NEDD9: variants seen among roughly 807,000 people sequenced by gnomAD.
NEDD9 encodes neural precursor cell expressed, developmentally down-regulated 9.
A neutral mutation model predicts 76.6 loss-of-function variants in NEDD9; 26 were observed. The ratio of observed to expected loss-of-function variants is 0.34; its 90% CI spans 0.25 to 0.47. The LOEUF (loss-of-function observed/expected upper bound fraction) is 0.47. Among genes scored for constraint, NEDD9 ranks in the 20% least tolerant of loss-of-function variants. The pLI is 1.00. For missense variants in NEDD9, 937 were observed against 1,058.5 expected (o/e 0.89, Z 1.59); for synonymous variants, 392 against 414.2 (o/e 0.95, Z 0.65).
At chr6:11,288,188 C>T (rs1238724300) in intron 3 of NEDD9, among the ~76,000 whole-genome samples, 2 of 152,206 alleles carry the variant, frequency 1.3e-5, no homozygotes, top group Non-Finnish European at 1.5e-5. Flanking sequence ...GTTCAAGTGG[C>T]GTATGGCGTG....
intron 3 of NEDD9, among the ~76,000 whole-genome samples, chr6:11,275,565 C>CACACACACACACATATATATATATAT (rs551632582): frequency 1.1e-3 from 158 of 150,252 alleles, no homozygotes; most frequent in African/African-American, 3.7e-3. Flanking sequence ...CACACACACA[C>CACACACACACACATATATATATATAT]ATATATATAT....
upstream of NEDD9, among the ~76,000 whole-genome samples, chr6:11,234,041 G>A (rs1044789128): frequency 1.3e-5 from 2 of 152,194 alleles, no homozygotes; most frequent in Non-Finnish European, 2.9e-5. Context: ...GGGTTGGCAG[G>A]TTAGTTTGCA....
At chr6:11,264,028 A>C (rs1337052437) in intron 3 of NEDD9, among the ~76,000 whole-genome samples, 1 of 152,240 alleles carries the variant, frequency 6.6e-6, no homozygotes, top group Non-Finnish European at 1.5e-5. Context: ...TCTTTAAAAT[A>C]GGGACAGTGG....
chr6:11,218,669 C>G lies in NEDD9; in HGVS notation c.13-4942G>C, dbSNP rs1759048404. Among the ~76,000 whole-genome samples, 4 of 152,172 alleles carry G rather than the reference C, an allele frequency of 2.6e-5. No homozygotes were observed. The South Asian group carries it at 8.3e-4, about 31-fold the overall frequency. On this transcript the variant is annotated intron_variant, in intron 1 of 6. Coordinates refer to ENST00000379446, the MANE Select transcript of NEDD9 (RefSeq NM_006403.4). ...TTCTGGACTCTGATTTCCTCATTGT[C>G]TGCAGGGAGGGTGAAATTGTTGTAC... is the stretch of plus-strand genomic sequence containing the variant.
At chr6:11,192,085 C>A (rs959280023) in intron 4 of NEDD9, among the ~76,000 whole-genome samples, 7 of 152,164 alleles carry the variant, frequency 4.6e-5, no homozygotes, top group Non-Finnish European at 1.0e-4. Context: ...ATCTTCCCTG[C>A]CAAAGGGTTA....
At chr6:11,277,418 G>A (rs1760440679) in intron 3 of NEDD9, among the ~76,000 whole-genome samples, 1 of 152,178 alleles carries the variant, frequency 6.6e-6, no homozygotes, top group Admixed American at 6.5e-5. Context: ...GTGGGGAAGT[G>A]GTGGAGGAAG....
chr6:11,377,155 A>G (rs534146071), intron 1 of NEDD9, among the ~76,000 whole-genome samples: 12 of 152,232 alleles, frequency 7.9e-5, no homozygotes, highest in Non-Finnish European at 1.3e-4. Context: ...GCCCCACAGA[A>G]AAACTCTACT....
chr6:11,253,133 G>C (rs33959179), intron 3 of NEDD9, among the ~76,000 whole-genome samples: 48,505 of 152,082 alleles, frequency 0.32, 8,136 homozygotes, highest in East Asian at 0.56. Flanking sequence ...TCAGGGTACG[G>C]TCAAAAGAAA....
At chr6:11,345,043 A>C (rs371227822) in intron 1 of NEDD9, among the ~76,000 whole-genome samples, 3 of 152,158 alleles carry the variant, frequency 2.0e-5, no homozygotes, top group South Asian at 2.1e-4. Flanking sequence ...TTATGGAAGA[A>C]AGGTATTTTT....
chr6:11,282,190 A>C (rs561266079), intron 3 of NEDD9, among the ~76,000 whole-genome samples: 1 of 152,336 alleles, frequency 6.6e-6, no homozygotes, highest in South Asian at 2.1e-4. Flanking sequence ...TTAATTCAGT[A>C]ATAAATAGTA....
chr6:11,245,630 C>G (rs73721509), intron 3 of NEDD9, among the ~76,000 whole-genome samples: 1 of 112,708 alleles, frequency 8.9e-6, no homozygotes, highest in African/African-American at 4.4e-5. Flanking sequence ...GATAAACTTG[C>G]GTTGGGGGAA....
At chr6:11,263,805 G>A (rs996281638) in intron 3 of NEDD9, among the ~76,000 whole-genome samples, 11 of 152,176 alleles carry the variant, frequency 7.2e-5, no homozygotes, top group Admixed American at 3.9e-4. Context: ...AAGAAAGGAA[G>A]TTTGTTCTTA....
chr6:11,373,545 GCTT>G (rs1762917945), intron 1 of NEDD9, among the ~76,000 whole-genome samples: 1 of 152,208 alleles, frequency 6.6e-6, no homozygotes, highest in African/African-American at 2.4e-5. Context: ...CCATATGTAA[GCTT>G]CTTGAAAATA....
At chr6:11,296,106 C>T (rs1042480817) in intron 3 of NEDD9, among the ~76,000 whole-genome samples, 1 of 152,020 alleles carries the variant, frequency 6.6e-6, no homozygotes, top group Non-Finnish European at 1.5e-5. Context: ...GAGGGAAGAC[C>T]ACACAGGGAG....
intron 3 of NEDD9, among the ~76,000 whole-genome samples, chr6:11,297,962 C>T (rs1005611179): frequency 1.4e-5 from 2 of 145,964 alleles, no homozygotes; most frequent in East Asian, 2.0e-4. Context: ...GGTTGGAGTG[C>T]AGTGGTGCAA....
At chr6:11,349,078 G>GA (rs1372282673) in intron 1 of NEDD9, among the ~76,000 whole-genome samples, 1 of 151,848 alleles carries the variant, frequency 6.6e-6, no homozygotes, top group Non-Finnish European at 1.5e-5. Flanking sequence ...AAATTTACAA[G>GA]AAAAAACAAC....
chr6:11,324,790 G>A (rs1727547685), intron 2 of NEDD9, among the ~76,000 whole-genome samples: 1 of 152,184 alleles, frequency 6.6e-6, no homozygotes, highest in South Asian at 2.1e-4. Context: ...TGGGGAGGGG[G>A]AGGGACACTG....
chr6:11,237,303 A>G (rs1759624462), upstream of NEDD9, among the ~76,000 whole-genome samples: 1 of 152,208 alleles, frequency 6.6e-6, no homozygotes, highest in African/African-American at 2.4e-5. The surrounding 1 kb of genome is among the most constrained non-coding windows in gnomAD (Gnocchi z 4.9). Context: ...GTCCTGTTGT[A>G]TACCTTAGAG....
chr6:11,356,176 T>C (rs1162568182), intron 1 of NEDD9, among the ~76,000 whole-genome samples: 1 of 152,224 alleles, frequency 6.6e-6, no homozygotes, highest in African/African-American at 2.4e-5. Context: ...GGAAACCTGC[T>C]CTCCGAGGGA....
Sources: allele counts gnomAD v4.1 joint callset (sites outside exome capture counted in the v4.1 genomes callset), GRCh38; gene constraint gnomAD v4.1.1; non-coding constraint Gnocchi (gnomAD v3.1); transcripts MANE v1.5; gene names NCBI Gene and HGNC (gene_info 2026-07-23, HGNC 2026-07-21).